The following DOK6 variants were observed in gnomAD, a reference collection of about 807,000 sequenced individuals.
DOK6 encodes docking protein 6.
In DOK6, 22 loss-of-function variants were observed where a neutral mutation model predicts 44.0. The observed-to-expected ratio is 0.50, with a 90% confidence interval of 0.36 to 0.71. The LOEUF (loss-of-function observed/expected upper bound fraction) is 0.71. DOK6 is among the 30% of genes least tolerant of loss of function. DOK6 has a pLI of 0.00. For synonymous variants in DOK6, 166 were observed against 145.5 expected (o/e 1.14, Z -1.01); for missense variants, 340 against 416.4 (o/e 0.82, Z 1.60).
At chr18:69,602,705 A>T (rs1983900581) in intron 3 of DOK6, among the ~76,000 whole-genome samples, 1 of 152,218 alleles carries the variant, frequency 6.6e-6, no homozygotes, top group South Asian at 2.1e-4. Flanking sequence ...AATTCTTTCA[A>T]TCTAAAACTA....
chr18:69,620,837 G>A (rs374778766), intron 3 of DOK6, among the ~76,000 whole-genome samples: 6 of 152,050 alleles, frequency 3.9e-5, no homozygotes, highest in Non-Finnish European at 4.4e-5. Flanking sequence ...GTCAGGTTTC[G>A]GCATCAGGAC....
intron 3 of DOK6, among the ~76,000 whole-genome samples, chr18:69,677,044 C>G (rs1985937803): frequency 6.6e-6 from 1 of 151,988 alleles, no homozygotes; most frequent in African/African-American, 2.4e-5. Context: ...CTTTTAAATT[C>G]TACCCCAATT....
intron 1 of DOK6, among the ~76,000 whole-genome samples, chr18:69,522,476 T>A (rs1047252554): frequency 3.3e-5 from 5 of 152,034 alleles, no homozygotes; most frequent in African/African-American, 1.2e-4. Flanking sequence ...TCTAAAAAAT[T>A]TAAATCTATG....
intron 6 of DOK6, 41 bp downstream of exon 6, chr18:69,739,144 A>G: frequency 6.2e-7 from 1 of 1,609,576 alleles, no homozygotes; most frequent in Non-Finnish European, 8.5e-7. Flanking sequence ...TTGGAAATGA[A>G]TGTCACTGGG....
intron 4 of DOK6, among the ~76,000 whole-genome samples, chr18:69,697,180 G>C (rs979477051): frequency 6.6e-6 from 1 of 152,084 alleles, no homozygotes; most frequent in Admixed American, 6.6e-5. Context: ...ATCTGCCAGA[G>C]AGAAGAATCT....
chr18:69,749,840 C>G (rs1420281790), intron 6 of DOK6, among the ~76,000 whole-genome samples: 1 of 151,138 alleles, frequency 6.6e-6, no homozygotes, highest in Non-Finnish European at 1.5e-5. Context: ...ACTTGGGAGG[C>G]TGAGGCAGGA....
At chr18:69,572,570 G>A (rs912952236) in intron 2 of DOK6, among the ~76,000 whole-genome samples, 1 of 151,848 alleles carries the variant, frequency 6.6e-6, no homozygotes, top group African/African-American at 2.4e-5. Context: ...CTATAGTTCT[G>A]GATAAAATGT....
chr18:69,474,372 A>T (rs1403987328), intron 1 of DOK6, among the ~76,000 whole-genome samples: 1 of 152,210 alleles, frequency 6.6e-6, no homozygotes, highest in East Asian at 1.9e-4. Context: ...GGAGAAGCAG[A>T]AAAGCTTTGA....
chr18:69,501,600 T>G (rs963937778), intron 1 of DOK6, among the ~76,000 whole-genome samples: 4 of 152,166 alleles, frequency 2.6e-5, no homozygotes, highest in African/African-American at 9.7e-5. Context: ...GTTTCCACAT[T>G]CTTACATTTG....
chr18:69,610,142 A>C (rs1984102718), intron 3 of DOK6, among the ~76,000 whole-genome samples: 1 of 152,222 alleles, frequency 6.6e-6, no homozygotes. Flanking sequence ...TTAAGAAGGT[A>C]GAGCTCATGT....
At chr18:69,639,588 T>C (rs1014459898) in intron 3 of DOK6, among the ~76,000 whole-genome samples, 2 of 152,162 alleles carry the variant, frequency 1.3e-5, no homozygotes, top group Middle Eastern at 3.2e-3. Context: ...TACACTGCCC[T>C]CTTGTAAGGT....
intron 1 of DOK6, among the ~76,000 whole-genome samples, chr18:69,512,593 C>T (rs1030321856): frequency 6.6e-6 from 1 of 152,076 alleles, no homozygotes; most frequent in Non-Finnish European, 1.5e-5. Context: ...ATTCGTCCGC[C>T]TCGGCCTCCA....
chr18:69,652,743 T>G (rs971667211), intron 3 of DOK6, among the ~76,000 whole-genome samples: 1 of 152,122 alleles, frequency 6.6e-6, no homozygotes, highest in African/African-American at 2.4e-5. Flanking sequence ...ATTTCCCAGC[T>G]TTTAGGGTTC....
chr18:69,821,391 G>A (rs774322628), intron 7 of DOK6, among the ~76,000 whole-genome samples: 17 of 152,060 alleles, frequency 1.1e-4, no homozygotes, highest in Non-Finnish European at 2.5e-4. Context: ...GGCAGTGAAG[G>A]GAATAAAAAG....
At chr18:69,442,631 C>A (rs2122443893) in intron 1 of DOK6, among the ~76,000 whole-genome samples, 1 of 152,284 alleles carries the variant, frequency 6.6e-6, no homozygotes, top group African/African-American at 2.4e-5. Context: ...GATACAGAGA[C>A]AAACCATATT....
chr18:69,697,985 TC>T (rs1411982554), intron 4 of DOK6, among the ~76,000 whole-genome samples: 6 of 149,622 alleles, frequency 4.0e-5, no homozygotes, highest in African/African-American at 1.5e-4. Context: ...AAGGTAAAAA[TC>T]AAATAAGATC....
At chr18:69,828,991 T>A (rs2145130993) in intron 7 of DOK6, among the ~76,000 whole-genome samples, 1 of 148,568 alleles carries the variant, frequency 6.7e-6, no homozygotes, top group East Asian at 2.0e-4. Flanking sequence ...GTTTTTTAAT[T>A]CTGTAAATCT....
intron 3 of DOK6, among the ~76,000 whole-genome samples, chr18:69,674,785 A>G (rs1985884120): frequency 6.6e-6 from 1 of 152,114 alleles, no homozygotes; most frequent in Non-Finnish European, 1.5e-5. Flanking sequence ...AGCCTTCCAG[A>G]GCACCATATA....
At chr18:69,759,330 TA>T (rs1396163384) in intron 7 of DOK6, among the ~76,000 whole-genome samples, 2 of 152,202 alleles carry the variant, frequency 1.3e-5, no homozygotes, top group Non-Finnish European at 1.5e-5. Flanking sequence ...AATTTGAAAG[TA>T]TGCTTGTAAT....
Sources: gnomAD v4.1 joint callset for allele counts (sites outside exome capture counted in the v4.1 genomes callset) on GRCh38, gnomAD v4.1.1 for gene constraint, MANE v1.5 for transcripts, NCBI Gene and HGNC (gene_info 2026-07-23, HGNC 2026-07-21) for gene names.